Variants in DNAH12 observed in about 807,000 individuals in gnomAD.
The protein encoded by DNAH12 is axonemal beta dynein heavy chain 12.
In DNAH12, 285 loss-of-function variants were observed where a neutral mutation model predicts 371.5. That is an observed-to-expected ratio of 0.77 (90% confidence interval 0.70 to 0.85). The LOEUF (loss-of-function observed/expected upper bound fraction) is 0.85. Ranked by LOEUF, DNAH12 falls within the 40% of genes least tolerant of loss-of-function variation. The pLI is 0.00. For missense variants in DNAH12, 3,611 were observed against 3,689.4 expected, an observed-to-expected ratio of 0.98 and a Z score of 0.55; for synonymous variants, 1,200 against 1,213.0, an observed-to-expected ratio of 0.99 and a Z score of 0.22.
chr3:57,296,204 C>A (rs1224230808), intron 72 of DNAH12, 140 bp downstream of exon 72: 6 of 530,348 alleles, frequency 1.1e-5, no homozygotes, highest in Non-Finnish European at 1.9e-5. Flanking sequence ...GTTGCCCCAG[C>A]TTGACTAATA....
chr3:57,447,823 G>A (rs533593756), intron 25 of DNAH12, among the ~76,000 whole-genome samples: 3 of 152,072 alleles, frequency 2.0e-5, no homozygotes, highest in Admixed American at 1.3e-4. Flanking sequence ...ATAGGTGTAT[G>A]CCACCACACT....
chr3:57,430,233 C>T (rs983612408), intron 32 of DNAH12, among the ~76,000 whole-genome samples: 1 of 151,994 alleles, frequency 6.6e-6, no homozygotes, highest in East Asian at 1.9e-4. Flanking sequence ...ATTGCCATTA[C>T]CTTTTTAAAA....
chr3:57,499,732 G>A (rs1487581834), intron 11 of DNAH12, among the ~76,000 whole-genome samples: 24 of 139,036 alleles, frequency 1.7e-4, no homozygotes, highest in South Asian at 7.0e-4. Context: ...TCAGCTACTC[G>A]GGAGGCTGAA....
chr3:57,357,841 C>G (rs912357624), intron 58 of DNAH12, among the ~76,000 whole-genome samples: 1 of 152,092 alleles, frequency 6.6e-6, no homozygotes, highest in African/African-American at 2.4e-5. Flanking sequence ...CACAGTCTGG[C>G]AAAGTAGGTA....
At chr3:57,356,425 AGAGT>A (rs1337989337) in intron 59 of DNAH12, among the ~76,000 whole-genome samples, 95,563 of 150,014 alleles carry the variant, frequency 0.64, 31,371 homozygotes, top group Non-Finnish European at 0.74. Context: ...CCTGGGTGAC[AGAGT>A]GAGACCTTGT....
intron 59 of DNAH12, among the ~76,000 whole-genome samples, chr3:57,356,355 A>G (rs2153324738): frequency 6.6e-6 from 1 of 152,026 alleles, no homozygotes; most frequent in Admixed American, 6.6e-5. Flanking sequence ...AGCTGGGTGG[A>G]TCACCTGAGC....
chr3:57,532,588 A>C (rs2068889479), intron 2 of DNAH12, among the ~76,000 whole-genome samples: 1 of 152,222 alleles, frequency 6.6e-6, no homozygotes, highest in Non-Finnish European at 1.5e-5. Context: ...AGACTCATAG[A>C]AGTATCACCT....
In DNAH12 at chr3:57,383,190, C is replaced by A. The variant is rs2063431662; in HGVS notation, c.7861-797G>T. Among the ~76,000 whole-genome samples, 11 of 152,262 alleles carry A rather than the reference C, an allele frequency of 7.2e-5. No homozygotes were observed. In the South Asian group the frequency reaches 2.1e-3, roughly 29 times the overall value. Reference sequence around the variant, plus strand: ...TGGAAGCTCAGCCTGGGATCTGATTCTTTTACCTCTTCCAACAATTCTGTA... The same window carrying A: ...TGGAAGCTCAGCCTGGGATCTGATTATTTTACCTCTTCCAACAATTCTGTA... On this transcript the variant is annotated intron_variant, in intron 49 of 73. Coordinates refer to ENST00000495027, the MANE Select transcript of DNAH12 (RefSeq NM_001366028.2).
intron 17 of DNAH12, among the ~76,000 whole-genome samples, chr3:57,465,714 A>G (rs959548415): frequency 1.3e-5 from 2 of 152,140 alleles, no homozygotes; most frequent in Non-Finnish European, 2.9e-5. Context: ...CACATCACAG[A>G]CAAAGCCTAA....
At chr3:57,551,243 C>T in the DNAH12 span, among the ~76,000 whole-genome samples, 1 of 150,726 alleles carries the variant, frequency 6.6e-6, no homozygotes, top group African/African-American at 2.4e-5. Flanking sequence ...TTGTTTTTAT[C>T]GTACTCTGTA....
chr3:57,472,459 TA>T (rs767031572), intron 14 of DNAH12, 86 bp downstream of exon 14: 1 of 1,468,014 alleles, frequency 6.8e-7, no homozygotes, highest in East Asian at 2.5e-5. Context: ...CTTTTAAAGT[TA>T]GATGGCCAGG....
At position 57,454,701 on chromosome 3, in the gene DNAH12, T is replaced by G. The variant is rs1313453465; in HGVS notation, c.3456+74A>C. On this transcript the variant is annotated intron_variant, in intron 23 of 73. Coordinates refer to ENST00000495027, the MANE Select transcript of DNAH12 (RefSeq NM_001366028.2). ...CCTGGGTAGCATAGCAAGATCTCAT[T>G]TCTAAAAATAATAAAATTAAATTTT... 3 of 1,518,124 alleles carry G rather than the reference T, an allele frequency of 2.0e-6. 1 individual carries two copies. Among genetic ancestry groups the G allele is most frequent in the South Asian group, 2.5e-5 (2 of 80,204 alleles). 94.0% of individuals were successfully genotyped at this position (1,518,124 alleles called of 1,614,324 possible). A position where few individuals can be genotyped will look rare whatever the true frequency, so the allele number is the denominator to read the frequency against.
In DNAH12 at chr3:57,428,832, A is replaced by C; in HGVS notation, c.5065-11T>G. The C allele has an allele frequency of 6.6e-7, 1 of 1,512,092 alleles. No homozygotes were observed. Among genetic ancestry groups the C allele is most frequent in the Non-Finnish European group, 8.8e-7 (1 of 1,133,006 alleles). The allele number at this position is 1,512,092 out of a possible 1,614,324, so 93.7% of individuals were successfully genotyped here. A position where few individuals can be genotyped will look rare whatever the true frequency, so the allele number is the denominator to read the frequency against. On this transcript the variant is annotated splice_polypyrimidine_tract_variant and intron_variant, in intron 33 of 73. Coordinates refer to ENST00000495027, the MANE Select transcript of DNAH12 (RefSeq NM_001366028.2). ...ACTTACAGTGGCAGGCTAGAGAAAA[A>C]AGGCAACTTTTTGCACTGTTGTTTT...
At chr3:57,346,386 G>T (rs1553658035) in intron 60 of DNAH12, among the ~76,000 whole-genome samples, 1 of 151,980 alleles carries the variant, frequency 6.6e-6, no homozygotes, top group East Asian at 1.9e-4. Context: ...AGATAGATTA[G>T]TTGTAAATGT....
At chr3:57,509,111 A>G (rs771351476) in intron 6 of DNAH12, 29 bp downstream of exon 6, 1 of 1,572,654 alleles carries the variant, frequency 6.4e-7, no homozygotes, top group East Asian at 2.2e-5. Context: ...AAATTGGATG[A>G]AGTACTGTTT....
At chr3:57,519,210 T>C (rs145221606) in intron 4 of DNAH12, among the ~76,000 whole-genome samples, 229 of 152,348 alleles carry the variant, frequency 1.5e-3, no homozygotes, top group African/African-American at 5.4e-3. Flanking sequence ...TGGTAAAATG[T>C]CTGTTCATAT....
At chr3:57,369,154 A>G (rs2153335126) in intron 55 of DNAH12, among the ~76,000 whole-genome samples, 1 of 150,682 alleles carries the variant, frequency 6.6e-6, no homozygotes, top group South Asian at 2.1e-4. Context: ...CGGGAGGTAG[A>G]GATTGCAGTG....
In DNAH12 at chr3:57,342,656, A is replaced by AG. The variant is rs1445414291; in HGVS notation, c.9675-7717_9675-7716insC. 5.4e-5 allele frequency among the ~76,000 whole-genome samples: 8 copies of AG among 148,314 alleles called. No homozygotes were observed. In the East Asian group the frequency reaches 1.6e-3, roughly 29 times the overall value. ...CTGGGCGACAGACTGAGACTCAAAA[A>AG]AAAAAAAAAAAAAAAAGGAAAGAAA... On this transcript the variant is annotated intron_variant, in intron 60 of 73. Transcript: ENST00000495027.
intron 68 of DNAH12, 74 bp downstream of exon 68, chr3:57,309,592 T>C: frequency 3.1e-6 from 4 of 1,304,494 alleles, no homozygotes; most frequent in East Asian, 2.7e-5. Flanking sequence ...TGCTAGTACA[T>C]GGAGTTTTCA....
Sources: allele counts gnomAD v4.1 joint callset (sites outside exome capture counted in the v4.1 genomes callset), GRCh38; gene constraint gnomAD v4.1.1; transcripts MANE v1.5; gene names NCBI Gene and HGNC (gene_info 2026-07-23, HGNC 2026-07-21).